FAM169A: variants seen among roughly 807,000 people sequenced by gnomAD.
The protein encoded by FAM169A is soluble lamin-associated protein of 75 kDa.
FAM169A carries 24 observed loss-of-function variants against 75.7 expected under a neutral mutation model. The observed-to-expected ratio is 0.32, with a 90% CI of 0.23 to 0.45. The LOEUF is 0.45. FAM169A is among the 20% of genes least tolerant of loss of function. The probability of loss-of-function intolerance (pLI) is 1.00; values close to 1 mark genes in which losing one functional copy is unlikely to be tolerated. For missense variants in FAM169A, 673 were observed against 784.0 expected (o/e 0.86, Z 1.69); for synonymous variants, 271 against 271.0 (o/e 1.00, Z 0.00).
chr5:74,800,979 C>T lies in FAM169A; in HGVS notation c.1004G>A (p.Arg335Gln), dbSNP rs771668934. 8.3e-6 allele frequency: 13 copies of T among 1,563,674 alleles called. No homozygotes were observed. Among genetic ancestry groups the T allele is most frequent in the Middle Eastern group, 1.7e-4 (1 of 5,924 alleles). ...CTGAAACCGCTTTCCAATCTTTGGC[C>T]GCTTTAGATTACCACTTCGAGTATG... ...STHTRSGNLK[R>Q]PKIGKRFQDS... The change falls in exon 10 of 13, where the codon CGG (arginine) becomes CAG (glutamine). Residue 335 changes from arginine to glutamine, a missense_variant. Arg to Gln is a conservative substitution (Grantham distance 43). Coordinates refer to ENST00000687041, the MANE Select transcript of FAM169A (RefSeq NM_001376049.1).
chr5:74,862,439 G>A (rs1750086530), intron 1 of FAM169A, among the ~76,000 whole-genome samples: 1 of 152,168 alleles, frequency 6.6e-6, no homozygotes, highest in Non-Finnish European at 1.5e-5. Flanking sequence ...AAAAGCTTCT[G>A]ACAAGTTCTC....
intron 9 of FAM169A, 103 bp from the exon 10 acceptor site, chr5:74,801,133 C>T: frequency 1.2e-6 from 1 of 839,084 alleles, no homozygotes; most frequent in Non-Finnish European, 1.7e-6. Flanking sequence ...TTACACATAT[C>T]CTCCACATTA....
chr5:74,802,326 C>T (rs1226503912), intron 8 of FAM169A, among the ~76,000 whole-genome samples: 1 of 152,034 alleles, frequency 6.6e-6, no homozygotes, highest in African/African-American at 2.4e-5. Context: ...CCCATCTACA[C>T]CCCTCCACCC....
chr5:74,807,649 C>A (rs1286616002), intron 6 of FAM169A, among the ~76,000 whole-genome samples: 1 of 152,096 alleles, frequency 6.6e-6, no homozygotes, highest in Non-Finnish European at 1.5e-5. Flanking sequence ...AAGTGCCCAA[C>A]AGTAGGGAAA....
In FAM169A at chr5:74,789,209, T is replaced by C. The variant is rs146759073; in HGVS notation, c.1261-6075A>G. ...CATAACATTGATGACATTATGCTGA[T>C]TGGATCCAGTGAGCAAGAAGTAGCA... On this transcript the variant is annotated intron_variant, in intron 11 of 12. Transcript: ENST00000687041. Among the ~76,000 whole-genome samples the C allele has an allele frequency of 1.5e-3, 236 of 152,322 alleles. 4 individuals carry two copies. The East Asian group carries it at 0.037, about 24-fold the overall frequency.
intron 6 of FAM169A, among the ~76,000 whole-genome samples, chr5:74,807,006 C>T (rs1407796346): frequency 6.6e-6 from 1 of 152,202 alleles, no homozygotes; most frequent in Non-Finnish European, 1.5e-5. Flanking sequence ...GAAACACACA[C>T]TCTGCTGGTG....
rs540264093 is a variant in FAM169A at position 74,788,110 on chromosome 5, T to G, written c.1261-4976A>C. ...AGACATTTCAGGGACTACTGGACAC[T>G]GGCTCTGAGCTGACGTTGATTCCGG... On this transcript the variant is annotated intron_variant, in intron 11 of 12. Coordinates refer to ENST00000687041, the MANE Select transcript of FAM169A (RefSeq NM_001376049.1). Among the ~76,000 whole-genome samples the G allele has an allele frequency of 1.7e-4, 26 of 152,298 alleles. No homozygotes were observed. In the East Asian group the frequency reaches 3.5e-3, roughly 20 times the overall value.
chr5:74,806,105 AC>A (rs1746869501), intron 6 of FAM169A, among the ~76,000 whole-genome samples: 1 of 152,134 alleles, frequency 6.6e-6, no homozygotes, highest in African/African-American at 2.4e-5. Flanking sequence ...GCATTTAAAA[AC>A]CATAGTAATT....
chr5:74,840,263 CCTA>C, intron 2 of FAM169A, 90 bp from the exon 3 acceptor site: 2 of 524,812 alleles, frequency 3.8e-6, no homozygotes, highest in Non-Finnish European at 6.7e-6. Flanking sequence ...GTAAATATTT[CCTA>C]CGTTAATTTT....
intron 1 of FAM169A, 30 bp downstream of exon 1, chr5:74,866,135 G>A: frequency 1.0e-6 from 1 of 965,820 alleles, no homozygotes; most frequent in South Asian, 4.8e-5. Flanking sequence ...TCACCCAGCG[G>A]TCCGCGCCGG....
chr5:74,832,831 T>C (rs1447606247), intron 5 of FAM169A, among the ~76,000 whole-genome samples: 1 of 151,974 alleles, frequency 6.6e-6, no homozygotes, highest in African/African-American at 2.4e-5. Flanking sequence ...ATAAGCCCAC[T>C]TAACTCCATT....
chr5:74,865,790 A>T (rs544649396), intron 1 of FAM169A: 1 of 152,422 alleles, frequency 6.6e-6, no homozygotes, highest in South Asian at 2.1e-4. Flanking sequence ...ATCAGCTCGC[A>T]CGCCAAGCAT....
At chr5:74,828,504 T>A (rs1443646133) in intron 5 of FAM169A, among the ~76,000 whole-genome samples, 1 of 152,166 alleles carries the variant, frequency 6.6e-6, no homozygotes, top group South Asian at 2.1e-4. Flanking sequence ...AAAGTCTCCA[T>A]GTGCCCCCAG....
Position 74,783,062 on chromosome 5 carries a change from C to G in FAM169A, c.1333G>C (p.Glu445Gln). 6.2e-7 allele frequency: 1 copy of G among 1,612,476 alleles called. No homozygotes were observed. Among genetic ancestry groups the G allele is most frequent in the South Asian group, 1.1e-5 (1 of 91,040 alleles). The change falls in exon 12 of 13, where the codon GAA becomes CAA. Residue 445 changes from glutamate (E) to glutamine (Q), a missense_variant. Around this residue, in one of 3 missense-constraint regions of FAM169A, gnomAD observed 510 missense variants for 550.9 expected, o/e 0.93. Coordinates refer to ENST00000687041, the MANE Select transcript of FAM169A (RefSeq NM_001376049.1). ...TCTAAAACTTCACTAGTGGAGTCTTCCTCTTCTGTTATAAGTGAGGTCTTA... is the reference window on the plus strand; with the variant it reads ...TCTAAAACTTCACTAGTGGAGTCTTGCTCTTCTGTTATAAGTGAGGTCTTA... ...SLKTSLITEE[E>Q]DSTSEVLDEE...
At chr5:74,801,702 T>G (rs1219918901) in intron 8 of FAM169A, 73 bp from the exon 9 acceptor site, 5 of 1,131,134 alleles carry the variant, frequency 4.4e-6, no homozygotes, top group Non-Finnish European at 6.5e-6. Flanking sequence ...TCACTTATAG[T>G]TTCAAAGAAA....
Position 74,781,679 on chromosome 5 carries a change from GTCT to G in FAM169A, c.1791_1793del (p.Glu597del). The G allele has an allele frequency of 6.2e-7, 1 of 1,614,142 alleles. No homozygotes were observed. Among genetic ancestry groups the G allele is most frequent in the Non-Finnish European group, 8.5e-7 (1 of 1,179,994 alleles). ...GTCCTGCATTCTGTGAAAATGGCAC[GTCT>G]TCAAGTTCAACCTCTATCAAAGAAC... On this transcript the variant is annotated inframe_deletion, in exon 13 of 13. Coordinates refer to ENST00000687041, the MANE Select transcript of FAM169A (RefSeq NM_001376049.1).
At chr5:74,857,741 T>C (rs34978087) in intron 1 of FAM169A, among the ~76,000 whole-genome samples, 1 of 152,054 alleles carries the variant, frequency 6.6e-6, no homozygotes, top group South Asian at 2.1e-4. Flanking sequence ...TTAATTACAG[T>C]GCATGAAAAC....
chr5:74,866,120 C>T, intron 1 of FAM169A, 45 bp downstream of exon 1: 1 of 930,582 alleles, frequency 1.1e-6, no homozygotes. Context: ...GCGGCCGTCT[C>T]GGCCTCACCC....
intron 5 of FAM169A, 60 bp from the exon 6 acceptor site, chr5:74,814,079 A>G (rs1747346324): frequency 7.6e-7 from 1 of 1,321,182 alleles, no homozygotes; most frequent in African/African-American, 1.5e-5. Flanking sequence ...ACATACATTT[A>G]GTGACATGAG....
Sources: gnomAD v4.1 joint callset for allele counts (sites outside exome capture counted in the v4.1 genomes callset) on GRCh38, gnomAD v4.1.1 for gene constraint, gnomAD v4.1.1 regional missense constraint, MANE v1.5 for transcripts, NCBI Gene and HGNC (gene_info 2026-07-23, HGNC 2026-07-21) for gene names.